The following TAF11L12 variants were observed in gnomAD, a reference collection of about 807,000 sequenced individuals.
TAF11L12 encodes the protein TATA-box binding protein associated factor 11 like 12, also known as TATA-box-binding protein-associated factor 11-like protein 12.
exon 1 of TAF11L12, chr5:17,611,457 C>G: frequency 2.5e-6 from 1 of 398,002 alleles, no homozygotes; most frequent in Non-Finnish European, 4.4e-6. Context: ...TGGAAGAGGC[C>G]CTGGACGTGT....
chr5:17,610,745 C>G, exon 1 of TAF11L12: 1 of 355,524 alleles, frequency 2.8e-6, no homozygotes, highest in Middle Eastern at 7.1e-4. Context: ...CTGCATTGAT[C>G]TAAAACTAAT....
In TAF11L12 at chr5:17,611,282, A is replaced by T. The variant is rs371897315; in HGVS notation, c.293A>T (p.Tyr98Phe). 361 of 398,134 alleles carry T rather than the reference A, an allele frequency of 9.1e-4. 12 individuals are homozygous for T. The highest frequency in any genetic ancestry group is 6.9e-3 in the African/African-American group (335 of 48,408). The allele number at this position is 398,134 out of a possible 1,614,324, so 24.7% of individuals were successfully genotyped here. ...GAGGCTCAGATGACAACCCTGCTGT[A>T]TGCCATGTCTGAGGAGCAGCTATCC... The change falls in exon 1 of 1, where the codon TAT becomes TTT. Residue 98 changes from tyrosine (Y) to phenylalanine (F), a missense_variant. Tyr to Phe is a conservative substitution (Grantham distance 22). Transcript: ENST00000503184.
exon 1 of TAF11L12, chr5:17,611,408 C>A (rs1739274163): frequency 2.5e-6 from 1 of 398,018 alleles, no homozygotes; most frequent in Non-Finnish European, 4.4e-6. Flanking sequence ...ACCGCCATTG[C>A]CATGGCTGGA....
rs541544686 is a variant in TAF11L12, at chr5:17,610,773, G to C, written c.-217G>C. On this transcript the variant is annotated 5_prime_UTR_variant, in exon 1 of 1. Coordinates refer to ENST00000503184, the Ensembl canonical transcript of TAF11L12. ...AAACTAATATACTCTCCATCCACAA[G>C]TTTCTTCACATTGTGGAAGTGAGAA... 2.7e-4 allele frequency: 103 copies of C among 380,082 alleles called. 3 individuals carry two copies. Among genetic ancestry groups the C allele is most frequent in the African/African-American group, 2.1e-3 (101 of 47,950 alleles). The allele number at this position is 380,082 out of a possible 1,614,324, so 23.5% of individuals were successfully genotyped here.
chr5:17,611,072 T>A (rs1289277029), exon 1 of TAF11L12: 1 of 397,692 alleles, frequency 2.5e-6, no homozygotes, highest in African/African-American at 2.1e-5. Context: ...AAGGATGGAA[T>A]CCCTGAGGAC....
chr5:17,611,399 C>T (rs181314898), exon 1 of TAF11L12: 9 of 397,964 alleles, frequency 2.3e-5, no homozygotes, highest in Non-Finnish European at 4.0e-5. Context: ...TCTGAGAACA[C>T]CGCCATTGCC....
At chr5:17,610,402 A>G (rs1818401), upstream of TAF11L12, 146,465 of 151,402 alleles carry the variant, frequency 0.97, 71,106 homozygotes, top group East Asian at 1. Context: ...ACATTCCCCC[A>G]TGGGAGATTC....
chr5:17,611,608 G>A (rs2126392631), downstream of TAF11L12: 1 of 398,086 alleles, frequency 2.5e-6, no homozygotes, highest in South Asian at 1.3e-4. Flanking sequence ...GGAAGGGTCT[G>A]TTTGTGCAGG....
exon 1 of TAF11L12, chr5:17,611,390 C>T (rs1401489268): frequency 2.5e-6 from 1 of 397,844 alleles, no homozygotes; most frequent in Non-Finnish European, 4.4e-6. Context: ...AGATCGGTGT[C>T]TGAGAACACC....
exon 1 of TAF11L12, chr5:17,611,249 A>T (rs1739270304): frequency 2.5e-6 from 1 of 398,220 alleles, no homozygotes; most frequent in South Asian, 1.3e-4. Context: ...CCCACCGTGG[A>T]TGCAGAGGAG....
chr5:17,610,615 A>T lies in TAF11L12; in HGVS notation c.-375A>T, dbSNP rs142211100. 1,464 of 196,368 alleles carry T rather than the reference A, an allele frequency of 7.5e-3. 56 individuals carry two copies. Among genetic ancestry groups the T allele is most frequent in the African/African-American group, 0.032 (1,390 of 43,082 alleles). The allele number at this position is 196,368 out of a possible 1,614,324, so 12.2% of individuals were successfully genotyped here. ...ACGTGAAGGTAATGACCACACAGCCAGACCCATCCTGGAGGTCCGTCATGT... is the reference window on the plus strand; with the variant it reads ...ACGTGAAGGTAATGACCACACAGCCTGACCCATCCTGGAGGTCCGTCATGT... On this transcript the variant is annotated 5_prime_UTR_variant, in exon 1 of 1. Transcript: ENST00000503184.
In TAF11L12 at chr5:17,611,282, A is replaced by C. The variant is rs371897315; in HGVS notation, c.293A>C (p.Tyr98Ser). The stretch of plus-strand genomic sequence containing the variant: ...GAGGCTCAGATGACAACCCTGCTGT[A>C]TGCCATGTCTGAGGAGCAGCTATCC... The change falls in exon 1 of 1, where the codon TAT becomes TCT. Residue 98 changes from tyrosine (Y) to serine (S), a missense_variant. Transcript: ENST00000503184. 1,309 of 398,122 alleles carry C rather than the reference A, an allele frequency of 3.3e-3. 43 individuals carry two copies. The highest frequency in any genetic ancestry group is 0.019 in the South Asian group (150 of 7,832). 24.7% of individuals were successfully genotyped at this position (398,122 alleles called of 1,614,324 possible).
exon 1 of TAF11L12, chr5:17,610,938 C>G: frequency 2.5e-6 from 1 of 397,618 alleles, no homozygotes; most frequent in Non-Finnish European, 4.4e-6. Context: ...CCACCCCAGC[C>G]AGAACTTCTG....
chr5:17,610,669 C>A (rs921950794), exon 1 of TAF11L12: 3 of 240,960 alleles, frequency 1.2e-5, no homozygotes, highest in Non-Finnish European at 2.4e-5. Context: ...GTCACTTGGC[C>A]TAGCAGTACT....
At chr5:17,612,108 C>T (rs1739295204), downstream of TAF11L12, among the ~76,000 whole-genome samples, 1 of 151,512 alleles carries the variant, frequency 6.6e-6, no homozygotes, top group African/African-American at 2.4e-5. Flanking sequence ...AATATAATCA[C>T]AAAGAATTTT....
At chr5:17,611,670 C>T (rs900899964), downstream of TAF11L12, 21 of 396,644 alleles carry the variant, frequency 5.3e-5, no homozygotes, top group African/African-American at 3.9e-4. Context: ...GCTGGAGCTT[C>T]CTTATCTCAG....
At chr5:17,611,636 T>C (rs1353031376), downstream of TAF11L12, 1 of 397,644 alleles carries the variant, frequency 2.5e-6, no homozygotes, top group Non-Finnish European at 4.4e-6. Context: ...ATCGCATTCA[T>C]CTTCCAATGA....
downstream of TAF11L12, chr5:17,611,589 A>G (rs1395961374): frequency 2.0e-5 from 8 of 397,980 alleles, no homozygotes; most frequent in Non-Finnish European, 3.1e-5. Flanking sequence ...TCTAAGCCCA[A>G]GGCCAGAGGG....
downstream of TAF11L12, among the ~76,000 whole-genome samples, chr5:17,612,080 C>G (rs1489038813): frequency 6.6e-6 from 1 of 151,416 alleles, no homozygotes; most frequent in African/African-American, 2.4e-5. Context: ...AAACTGTTTT[C>G]CAAACTGCAG....
Sources: allele counts gnomAD v4.1 joint callset (sites outside exome capture counted in the v4.1 genomes callset), GRCh38; gene constraint gnomAD v4.1.1; transcripts MANE v1.5; gene names NCBI Gene and HGNC (gene_info 2026-07-23, HGNC 2026-07-21).